Variants in ABCA5 observed in about 807,000 individuals in gnomAD.
The protein encoded by ABCA5 is ATP binding cassette subfamily A member 5, also known as cholesterol transporter ABCA5.
A neutral mutation model predicts 206.0 loss-of-function variants in ABCA5; 163 were observed. The ratio of observed to expected loss-of-function variants is 0.79; its 90% CI spans 0.70 to 0.90. ABCA5 has a LOEUF of 0.90. Among genes scored for constraint, ABCA5 ranks in the 40% least tolerant of loss-of-function variants. The pLI is 0.00. For missense variants in ABCA5, 1,859 were observed against 1,912.9 expected (o/e 0.97, Z 0.53); for synonymous variants, 609 against 613.8 (o/e 0.99, Z 0.11).
At position 69,255,639 on chromosome 17, in the gene ABCA5, A is replaced by C; in HGVS notation, c.3977-5T>G. On this transcript the variant is annotated splice_polypyrimidine_tract_variant and splice_region_variant and intron_variant, in intron 30 of 38. Transcript: ENST00000392676. ...CCAATAGTCCTAAGATCTCTCCTAA[A>C]GGAATTGAAAGAAAAAAAAATCATA... The C allele has an allele frequency of 2.5e-6, 4 of 1,576,378 alleles. No individual in the cohort carries two copies. The highest frequency in any genetic ancestry group is 3.4e-6 in the Non-Finnish European group (4 of 1,169,130).
At chr17:69,262,777 CTGTTT>C (rs113027381) in intron 24 of ABCA5, among the ~76,000 whole-genome samples, 12,917 of 151,954 alleles carry the variant, frequency 0.085, 575 homozygotes, top group Non-Finnish European at 0.094. Flanking sequence ...TAAGGTAGTT[CTGTTT>C]TAAGTTTTTT....
intron 13 of ABCA5, 138 bp from the exon 14 acceptor site, chr17:69,289,434 A>G: frequency 1.5e-6 from 1 of 683,194 alleles, no homozygotes; most frequent in Non-Finnish European, 2.1e-6. Context: ...TTTTAATATC[A>G]ACTTTAAAAA....
At position 69,244,954 on chromosome 17, in the gene ABCA5, T is replaced by C. The variant is rs2074934722; in HGVS notation, c.*2583A>G. 1 of 150,252 alleles carries C rather than the reference T, an allele frequency of 6.7e-6. No homozygotes were observed. The highest frequency in any genetic ancestry group is 2.4e-5 in the African/African-American group (1 of 41,162). 9.3% of individuals were successfully genotyped at this position (150,252 alleles called of 1,614,324 possible). On this transcript the variant is annotated 3_prime_UTR_variant, in exon 39 of 39. Coordinates refer to ENST00000392676, the MANE Select transcript of ABCA5 (RefSeq NM_172232.4). ...TTTATGTAAGTTATATAAGTATCTA[T>C]CTTACAGATCTCCACGATCTTACAG...
At position 69,294,694 on chromosome 17, in the gene ABCA5, T is replaced by A; in HGVS notation, c.1456A>T (p.Thr486Ser). ...ACATTTTCACCCTTCTTTCTGTATGTCTTCTGAATACCACTAATTCTGAAA... is the reference window on the plus strand; with the variant it reads ...ACATTTTCACCCTTCTTTCTGTATGACTTCTGAATACCACTAATTCTGAAA... ...EAIRISGIQK[T>S]YRKKGENVEA... is the part of the protein sequence containing the mutation. Residue 486 changes from threonine (T) to serine (S), a missense_variant, in exon 11 of 39, where the codon ACA becomes TCA. Coordinates refer to ENST00000392676, the MANE Select transcript of ABCA5 (RefSeq NM_172232.4). The A allele has an allele frequency of 1.2e-6, 2 of 1,605,290 alleles. No individual in the cohort carries two copies. Among genetic ancestry groups the A allele is most frequent in the Non-Finnish European group, 1.7e-6 (2 of 1,173,956 alleles).
At chr17:69,263,943 G>A (rs544261) in intron 24 of ABCA5, among the ~76,000 whole-genome samples, 4,096 of 151,992 alleles carry the variant, frequency 0.027, 193 homozygotes, top group African/African-American at 0.095. Context: ...TGATCCACCC[G>A]TCTCGGTCTC....
At chr17:69,301,307 C>G in intron 8 of ABCA5, 21 bp from the exon 9 acceptor site, 1 of 1,574,330 alleles carries the variant, frequency 6.4e-7, no homozygotes, top group Non-Finnish European at 8.6e-7. Flanking sequence ...CAAACACTAA[C>G]TTTATTACAT....
Position 69,256,193 on chromosome 17 carries a change from C to T in ABCA5, c.3822G>A (p.Lys1274=). Residue 1274 remains lysine (K), a synonymous_variant, in exon 29 of 39, where the codon AAG becomes AAA. Coordinates refer to ENST00000392676, the MANE Select transcript of ABCA5 (RefSeq NM_172232.4). ...EDEDVKAERL[K]VKELMGCQCC... is the part of the protein sequence containing the mutation. ...ACTGGCAACCCATCAGCTCTTTGAC[C>T]TTTAGTCTTTCAGCTTTGACATCTT... 4.3e-6 allele frequency: 7 copies of T among 1,610,058 alleles called. No individual in the cohort carries two copies. Among genetic ancestry groups the T allele is most frequent in the Non-Finnish European group, 5.9e-6 (7 of 1,177,984 alleles).
At chr17:69,287,076 C>A (rs1029766825) in intron 15 of ABCA5, among the ~76,000 whole-genome samples, 1 of 152,126 alleles carries the variant, frequency 6.6e-6, no homozygotes, top group Non-Finnish European at 1.5e-5. Flanking sequence ...GTGGTTTATG[C>A]CAAACAACTT....
Position 69,248,301 on chromosome 17 carries a change from G to A in ABCA5, c.4782C>T (p.Ala1594=), listed in dbSNP as rs1184273075. The change falls in exon 38 of 39, where the codon GCC becomes GCT. Residue 1594 remains alanine, a synonymous_variant. Transcript: ENST00000392676. ...CTTGAGAAAAGCTATATTCTTCAAT[G>A]GCAAAAGCATGTTTAGCTATTAAAA... is the stretch of plus-strand genomic sequence containing the variant. ...FKLEEAKHAF[A]IEEYSFSQAT... 2.1e-5 allele frequency: 33 copies of A among 1,566,068 alleles called. No individual in the cohort carries two copies. The highest frequency in any genetic ancestry group is 2.8e-5 in the Non-Finnish European group (32 of 1,147,082).
intron 27 of ABCA5, 135 bp downstream of exon 27, chr17:69,260,203 C>CGT: frequency 1.7e-6 from 1 of 597,830 alleles, no homozygotes; most frequent in Non-Finnish European, 2.9e-6. Context: ...GATTAGCTAG[C>CGT]GTTAACTAAC....
At chr17:69,254,928 G>A (rs903360893) in intron 31 of ABCA5, among the ~76,000 whole-genome samples, 4 of 152,192 alleles carry the variant, frequency 2.6e-5, no homozygotes, top group Non-Finnish European at 5.9e-5. Context: ...GGATGAAAAA[G>A]CAAGATGTAA....
chr17:69,277,539 AAATT>A, intron 19 of ABCA5, 98 bp downstream of exon 19: 2 of 928,076 alleles, frequency 2.2e-6, no homozygotes, highest in Non-Finnish European at 3.1e-6. Context: ...GAAACTATAT[AAATT>A]ATTTACATAT....
At chr17:69,311,793 C>T (rs2075773693) in intron 3 of ABCA5, among the ~76,000 whole-genome samples, 1 of 152,030 alleles carries the variant, frequency 6.6e-6, no homozygotes, top group Admixed American at 6.6e-5. Context: ...TGCCTGGCCT[C>T]ATATTTCTTT....
intron 17 of ABCA5, among the ~76,000 whole-genome samples, chr17:69,284,948 G>C (rs577950048): frequency 6.6e-6 from 1 of 152,306 alleles, no homozygotes; most frequent in East Asian, 1.9e-4. Context: ...TCAAAGAAAT[G>C]TAAGAGTCAA....
chr17:69,266,061 T>A (rs1430029134), intron 23 of ABCA5, among the ~76,000 whole-genome samples: 1 of 152,182 alleles, frequency 6.6e-6, no homozygotes, highest in African/African-American at 2.4e-5. Context: ...GAAAGTGTGA[T>A]GTATCCATAC....
Position 69,245,767 on chromosome 17 carries a change from A to G in ABCA5, c.*1770T>C, listed in dbSNP as rs1288877043. 1 of 151,994 alleles carries G rather than the reference A, an allele frequency of 6.6e-6. No homozygotes were observed. The highest frequency in any genetic ancestry group is 1.5e-5 in the Non-Finnish European group (1 of 67,836). The allele number at this position is 151,994 out of a possible 1,614,324, so 9.4% of individuals were successfully genotyped here. ...AGGAAAAAAAATTTACTTTGCACCA[A>G]TTACACATTCACAAATGTAAAGTGA... On this transcript the variant is annotated 3_prime_UTR_variant, in exon 39 of 39. Coordinates refer to ENST00000392676, the MANE Select transcript of ABCA5 (RefSeq NM_172232.4).
chr17:69,307,238 T>C (rs1286618323), intron 5 of ABCA5, among the ~76,000 whole-genome samples: 1 of 152,068 alleles, frequency 6.6e-6, no homozygotes, highest in African/African-American at 2.4e-5. Context: ...ATTGCACAAT[T>C]ATCATCTTAA....
intron 6 of ABCA5, 102 bp downstream of exon 6, chr17:69,306,623 G>A: frequency 1.9e-6 from 1 of 520,254 alleles, no homozygotes; most frequent in Non-Finnish European, 2.9e-6. Context: ...AACAGGATAA[G>A]CACATCATCA....
intron 11 of ABCA5, among the ~76,000 whole-genome samples, chr17:69,293,614 G>A (rs978981964): frequency 1.3e-5 from 2 of 152,020 alleles, no homozygotes; most frequent in Non-Finnish European, 2.9e-5. Context: ...AGAAAAAACA[G>A]GTTCCTTGGA....
Sources: allele counts gnomAD v4.1 joint callset (sites outside exome capture counted in the v4.1 genomes callset), GRCh38; gene constraint gnomAD v4.1.1; transcripts MANE v1.5; gene names NCBI Gene and HGNC (gene_info 2026-07-23, HGNC 2026-07-21).